Variants in ASTN2 observed in about 807,000 individuals in gnomAD.
ASTN2 encodes the protein astrotactin-2.
ASTN2 carries 54 observed loss-of-function variants against 139.8 expected under a neutral mutation model. The observed-to-expected ratio is 0.39, with a 90% CI of 0.31 to 0.48. The LOEUF (loss-of-function observed/expected upper bound fraction) is 0.48, where lower values mean the gene tolerates loss of function less well. Ranked by LOEUF, ASTN2 falls within the 20% of genes least tolerant of loss-of-function variation. The pLI is 0.95. For missense variants in ASTN2, 1,565 were observed against 1,725.1 expected (o/e 0.91, Z 1.64); for synonymous variants, 756 against 719.5 (o/e 1.05, Z -0.81).
rs897396581 is a variant in ASTN2 at position 117,291,607 on chromosome 9, G to A, written c.443-94C>T. 18 of 1,215,758 alleles carry A rather than the reference G, an allele frequency of 1.5e-5. No individual in the cohort carries two copies. In the Admixed American group the frequency reaches 1.9e-4, roughly 13 times the overall value. The allele number at this position is 1,215,758 out of a possible 1,614,324, so 75.3% of individuals were successfully genotyped here. On this transcript the variant is annotated intron_variant, in intron 1 of 22. Transcript: ENST00000313400. ...GCCCACATAATCAGGAGCTCAGAAG[G>A]CATCCATTTTTTGCCAGGATACCTT...
Position 116,986,212 on chromosome 9 carries a change from C to T in ASTN2, c.1592-9427G>A, listed in dbSNP as rs535552718. Among the ~76,000 whole-genome samples the T allele has an allele frequency of 3.4e-4, 42 of 124,064 alleles. 2 individuals carry two copies. In the South Asian group the frequency reaches 0.012, roughly 34 times the overall value. The allele number at this position is 124,064 out of a possible 152,430, so 81.4% of individuals were successfully genotyped here. The stretch of plus-strand genomic sequence containing the variant: ...TTTCCTCCTTGATTTGGTGTCCTTG[C>T]CCCTCTGGGCTGCAGCTGCCCTTCC... On this transcript the variant is annotated intron_variant, in intron 7 of 22. Coordinates refer to ENST00000313400, the MANE Select transcript of ASTN2 (RefSeq NM_001365068.1).
intron 3 of ASTN2, among the ~76,000 whole-genome samples, chr9:117,204,200 C>G (rs960932856): frequency 6.6e-6 from 1 of 152,162 alleles, no homozygotes; most frequent in Non-Finnish European, 1.5e-5. Context: ...GTGTAGCCTC[C>G]CTGGCTCCAC....
At chr9:117,089,867 T>C (rs1181947596) in intron 5 of ASTN2, among the ~76,000 whole-genome samples, 1 of 152,258 alleles carries the variant, frequency 6.6e-6, no homozygotes, top group Admixed American at 6.5e-5. Flanking sequence ...TTCATTCCTT[T>C]TTATGGTCAA....
intron 22 of ASTN2, among the ~76,000 whole-genome samples, chr9:116,430,343 T>A (rs1201218071): frequency 3.3e-5 from 5 of 152,150 alleles, no homozygotes; most frequent in South Asian, 4.1e-4. Context: ...GATTCCAGGG[T>A]GAAGATGAAG....
In ASTN2 at chr9:116,487,345, C is replaced by A. The variant is rs771902290; in HGVS notation, c.3497+14G>T. The A allele has an allele frequency of 1.1e-5, 17 of 1,613,008 alleles. No individual in the cohort carries two copies. Among genetic ancestry groups the A allele is most frequent in the African/African-American group, 6.7e-5 (5 of 74,888 alleles). On this transcript the variant is annotated intron_variant, in intron 20 of 22. Transcript: ENST00000313400. ...TGTCTGCCTCATGATCCCCACACACCCAACACATCTTACTTGTAGAGACCG... is the reference window on the plus strand; with the variant it reads ...TGTCTGCCTCATGATCCCCACACACACAACACATCTTACTTGTAGAGACCG...
intron 10 of ASTN2, among the ~76,000 whole-genome samples, chr9:116,925,121 T>G (rs1834718169): frequency 6.6e-6 from 1 of 152,192 alleles, no homozygotes; most frequent in Non-Finnish European, 1.5e-5. Context: ...CCATATTTGC[T>G]TTCTTAATAT....
chr9:116,624,052 C>T (rs1295184305), intron 17 of ASTN2, among the ~76,000 whole-genome samples: 2 of 152,090 alleles, frequency 1.3e-5, no homozygotes, highest in Non-Finnish European at 2.9e-5. Context: ...ATTTGCATGG[C>T]CATTGGTTTT....
At chr9:116,530,828 A>C (rs1170549335) in intron 19 of ASTN2, among the ~76,000 whole-genome samples, 1 of 152,074 alleles carries the variant, frequency 6.6e-6, no homozygotes, top group Non-Finnish European at 1.5e-5. Context: ...TTGCCTACAT[A>C]TGTCTGTTAA....
intron 19 of ASTN2, among the ~76,000 whole-genome samples, chr9:116,554,941 G>A (rs1852534160): frequency 6.6e-6 from 1 of 152,176 alleles, no homozygotes; most frequent in Admixed American, 6.5e-5. Flanking sequence ...CACTGTGCTT[G>A]TTGATTTTCC....
intron 19 of ASTN2, chr9:116,611,469 T>C (rs2131799967): frequency 6.6e-6 from 1 of 152,112 alleles, no homozygotes; most frequent in Non-Finnish European, 1.5e-5. Flanking sequence ...AAACCGAAAG[T>C]TGATTCTTTG....
chr9:116,458,517 G>T (rs1489820100), intron 20 of ASTN2, among the ~76,000 whole-genome samples: 1 of 150,770 alleles, frequency 6.6e-6, no homozygotes, highest in Non-Finnish European at 1.5e-5. Context: ...ATAAAAATTC[G>T]AAATAAAAAA....
intron 10 of ASTN2, among the ~76,000 whole-genome samples, chr9:116,933,051 GT>G (rs1834953640): frequency 6.7e-6 from 1 of 150,054 alleles, no homozygotes; most frequent in Non-Finnish European, 1.5e-5. Context: ...TCAGTCCTAG[GT>G]TGTTACTTCT....
rs1288032263 is a variant in ASTN2 at position 116,565,383 on chromosome 9, CTCTCCATATATATATATATATA to C, written c.3355+52919_3355+52940del. ...TCTCTCTCTCTCTCTCTCTCTCTCT[CTCTCCATATATATATATATATA>C]TATATATATATATATATATATATAT... On this transcript the variant is annotated intron_variant, in intron 19 of 22. Transcript: ENST00000313400. 8.0e-4 allele frequency among the ~76,000 whole-genome samples: 29 copies of C among 36,076 alleles called. 1 individual carries two copies. Among genetic ancestry groups the C allele is most frequent in the Admixed American group, 5.6e-3 (13 of 2,316 alleles). The allele number at this position is 36,076 out of a possible 152,430, so 23.7% of individuals were successfully genotyped here.
chr9:117,274,909 G>A (rs1315454742), intron 2 of ASTN2, among the ~76,000 whole-genome samples: 4 of 152,194 alleles, frequency 2.6e-5, no homozygotes, highest in Non-Finnish European at 4.4e-5. Context: ...ATACAGTCAC[G>A]TTAGGGGTTG....
chr9:117,056,072 G>GT (rs1280625700), intron 5 of ASTN2, among the ~76,000 whole-genome samples: 1 of 152,184 alleles, frequency 6.6e-6, no homozygotes, highest in Non-Finnish European at 1.5e-5. Context: ...CAACAACCAT[G>GT]TAAGTAAGCT....
At chr9:117,271,018 G>A (rs1012406406) in intron 2 of ASTN2, among the ~76,000 whole-genome samples, 1 of 152,150 alleles carries the variant, frequency 6.6e-6, no homozygotes, top group Non-Finnish European at 1.5e-5. Context: ...ATTTTATCAG[G>A]AAGATGAGAA....
At chr9:116,520,485 T>C (rs926823323) in intron 19 of ASTN2, among the ~76,000 whole-genome samples, 2 of 152,086 alleles carry the variant, frequency 1.3e-5, no homozygotes, top group African/African-American at 4.8e-5. Flanking sequence ...AAAATCGGCA[T>C]AGAAGGGACA....
At chr9:117,412,448 C>T (rs76029962) in intron 1 of ASTN2, among the ~76,000 whole-genome samples, 11,590 of 152,208 alleles carry the variant, frequency 0.076, 752 homozygotes, top group East Asian at 0.18. Context: ...ACTTCTAATT[C>T]CTCGCTCAGG....
chr9:116,466,328 C>G (rs1425598153), intron 20 of ASTN2, among the ~76,000 whole-genome samples: 1 of 152,184 alleles, frequency 6.6e-6, no homozygotes, highest in Non-Finnish European at 1.5e-5. Flanking sequence ...CTTCAGATCT[C>G]TAGCTTCTTG....
Sources: gnomAD v4.1 joint callset for allele counts (sites outside exome capture counted in the v4.1 genomes callset) on GRCh38, gnomAD v4.1.1 for gene constraint, MANE v1.5 for transcripts, NCBI Gene and HGNC (gene_info 2026-07-23, HGNC 2026-07-21) for gene names.